The following TANGO6 variants were observed in gnomAD, a reference collection of about 807,000 sequenced individuals.
TANGO6 encodes transport and golgi organization 6 homolog.
TANGO6 carries 90 observed loss-of-function variants against 114.2 expected under a neutral mutation model. The ratio of observed to expected loss-of-function variants is 0.79; its 90% confidence interval spans 0.66 to 0.94. The LOEUF (loss-of-function observed/expected upper bound fraction) is 0.94. TANGO6 is among the 40% of genes least tolerant of loss of function. The pLI, the probability that TANGO6 is intolerant of heterozygous loss-of-function variation, is 0.00. For missense variants in TANGO6, 1,274 were observed against 1,315.3 expected (o/e 0.97, Z 0.49); for synonymous variants, 477 against 509.8 (o/e 0.94, Z 0.87).
intron 15 of TANGO6, among the ~76,000 whole-genome samples, chr16:69,001,930 G>A (rs1597053800): frequency 2.0e-5 from 3 of 152,158 alleles, no homozygotes; most frequent in Admixed American, 2.0e-4. Flanking sequence ...AAAAGTATAT[G>A]TCCTACCTAG....
chr16:68,902,078 G>A (rs532493290), intron 8 of TANGO6, among the ~76,000 whole-genome samples: 10 of 152,036 alleles, frequency 6.6e-5, no homozygotes, highest in Non-Finnish European at 8.8e-5. Context: ...AATCACGTGG[G>A]GCTCATGTGG....
At chr16:68,911,450 C>G (rs970953725) in intron 11 of TANGO6, among the ~76,000 whole-genome samples, 12 of 141,552 alleles carry the variant, frequency 8.5e-5, no homozygotes, top group African/African-American at 2.4e-4. Context: ...GAATGTGACT[C>G]TGTCGGCCCA....
chr16:69,047,769 T>G (rs1470160819), intron 17 of TANGO6, among the ~76,000 whole-genome samples: 1 of 152,208 alleles, frequency 6.6e-6, no homozygotes, highest in Non-Finnish European at 1.5e-5. Flanking sequence ...ATAAAATATT[T>G]GAGAACTTTG....
intron 17 of TANGO6, among the ~76,000 whole-genome samples, chr16:69,073,184 T>A (rs1960321472): frequency 6.6e-6 from 1 of 152,124 alleles, no homozygotes; most frequent in African/African-American, 2.4e-5. Context: ...GCATGCTGGT[T>A]TTGCTTGGAA....
chr16:68,999,041 C>A (rs1964017597), intron 15 of TANGO6, among the ~76,000 whole-genome samples: 1 of 152,024 alleles, frequency 6.6e-6, no homozygotes, highest in East Asian at 2.0e-4. Context: ...CACCACCACA[C>A]CTGGCTAATT....
At chr16:69,075,678 TC>T (rs1279518638) in intron 17 of TANGO6, among the ~76,000 whole-genome samples, 1 of 151,692 alleles carries the variant, frequency 6.6e-6, no homozygotes, top group African/African-American at 2.4e-5. Context: ...GCTCTTGAAC[TC>T]CTGGGGTCAG....
rs1555526453 is a variant in TANGO6, at chr16:68,980,383, T to TCTCTCTCTCTCTCTCTCTCTCTCTC, written c.2842+6215_2842+6216insCTCTCTCTCTCTCTCTCTCTCTCTC. 2.7e-4 allele frequency among the ~76,000 whole-genome samples: 10 copies of TCTCTCTCTCTCTCTCTCTCTCTCTC among 36,848 alleles called. 1 individual carries two copies. The highest frequency in any genetic ancestry group is 8.5e-4 in the African/African-American group (8 of 9,426). The allele number at this position is 36,848 out of a possible 152,430, so 24.2% of individuals were successfully genotyped here. On this transcript the variant is annotated intron_variant, in intron 15 of 17. Coordinates refer to ENST00000261778, the MANE Select transcript of TANGO6 (RefSeq NM_024562.2). ...TGAGTATGAATCTATCTGTCTGTCA[T>TCTCTCTCTCTCTCTCTCTCTCTCTC]TCTCTCTCTCTCTCTCTCTCTCTCT... is the stretch of plus-strand genomic sequence containing the variant.
intron 1 of TANGO6, among the ~76,000 whole-genome samples, chr16:68,851,690 G>A (rs1478800847): frequency 1.3e-5 from 2 of 152,124 alleles, no homozygotes; most frequent in Non-Finnish European, 1.5e-5. Flanking sequence ...TCCTAAAAGT[G>A]GGATTGCTGG....
chr16:68,971,952 A>G (rs556774340), intron 14 of TANGO6, among the ~76,000 whole-genome samples: 1 of 152,140 alleles, frequency 6.6e-6, no homozygotes, highest in South Asian at 2.1e-4. Context: ...ATTTTTTTCT[A>G]TGCTACAATA....
At chr16:68,965,576 C>T (rs1379855023) in intron 14 of TANGO6, among the ~76,000 whole-genome samples, 1 of 151,488 alleles carries the variant, frequency 6.6e-6, no homozygotes, top group Non-Finnish European at 1.5e-5. Context: ...CCAAGGCAGG[C>T]AGGTAACTTG....
At chr16:69,052,537 A>G (rs912758494) in intron 17 of TANGO6, among the ~76,000 whole-genome samples, 8 of 151,960 alleles carry the variant, frequency 5.3e-5, no homozygotes, top group African/African-American at 1.9e-4. Context: ...AAGTCATAGG[A>G]TTACAGGTGT....
At chr16:69,023,646 T>C (rs1291895376) in intron 16 of TANGO6, among the ~76,000 whole-genome samples, 1 of 152,070 alleles carries the variant, frequency 6.6e-6, no homozygotes, top group Non-Finnish European at 1.5e-5. Flanking sequence ...CTGTGAGTCT[T>C]ATCTCCTCCA....
chr16:69,047,739 GTTAAC>G (rs1360741915), intron 17 of TANGO6, among the ~76,000 whole-genome samples: 1 of 152,162 alleles, frequency 6.6e-6, no homozygotes, highest in African/African-American at 2.4e-5. Flanking sequence ...TTTATTGAAA[GTTAAC>G]TTCTTAGAAG....
chr16:69,016,400 A>G (rs1000954399), intron 15 of TANGO6, among the ~76,000 whole-genome samples: 2 of 147,130 alleles, frequency 1.4e-5, no homozygotes, highest in East Asian at 3.9e-4. Flanking sequence ...CTCCATCTCA[A>G]AAAAAAAAAA....
intron 16 of TANGO6, among the ~76,000 whole-genome samples, chr16:69,023,972 A>G (rs1329955917): frequency 6.6e-6 from 1 of 151,976 alleles, no homozygotes; most frequent in African/African-American, 2.4e-5. Flanking sequence ...CAGTGGCGCA[A>G]TCGTGGCTCA....
intron 11 of TANGO6, among the ~76,000 whole-genome samples, chr16:68,917,930 T>C (rs1963030494): frequency 6.6e-6 from 1 of 151,586 alleles, no homozygotes; most frequent in South Asian, 2.1e-4. Flanking sequence ...TTTTTTTTTT[T>C]TTTTTTTGAG....
At chr16:69,018,591 T>A (rs998708944) in intron 15 of TANGO6, among the ~76,000 whole-genome samples, 4 of 152,004 alleles carry the variant, frequency 2.6e-5, no homozygotes, top group African/African-American at 9.7e-5. Context: ...GTCCTTTCTC[T>A]TTTTTCCTAT....
chr16:69,065,511 C>T (rs1960202429), intron 17 of TANGO6, among the ~76,000 whole-genome samples: 1 of 152,222 alleles, frequency 6.6e-6, no homozygotes, highest in Non-Finnish European at 1.5e-5. Context: ...CGCCTCATCT[C>T]CTTTCCACCC....
Position 68,974,064 on chromosome 16 carries a change from T to C in TANGO6, c.2738T>C (p.Ile913Thr), listed in dbSNP as rs781100961. The change falls in exon 15 of 18, where the codon ATC becomes ACC. Residue 913 changes from isoleucine to threonine, a missense_variant. By Grantham distance (89) the Ile-to-Thr change is moderately conservative. Transcript: ENST00000261778. Reference sequence around the variant, plus strand: ...CTGTCAGACGTCTATCCTGAGAAAATCTTGCCGGACTTGTTGGCTCAATAT... The same window carrying C: ...CTGTCAGACGTCTATCCTGAGAAAACCTTGCCGGACTTGTTGGCTCAATAT... ...ALLSDVYPEK[I>T]LPDLLAQYDS... 3.1e-6 allele frequency: 5 copies of C among 1,612,554 alleles called. No homozygotes were observed. The highest frequency in any genetic ancestry group is 4.2e-6 in the Non-Finnish European group (5 of 1,179,414).
Sources: allele counts gnomAD v4.1 joint callset (sites outside exome capture counted in the v4.1 genomes callset), GRCh38; gene constraint gnomAD v4.1.1; transcripts MANE v1.5; gene names NCBI Gene and HGNC (gene_info 2026-07-23, HGNC 2026-07-21).